Variants in MDN1 observed in about 807,000 individuals in gnomAD.
The protein encoded by MDN1 is midasin.
A neutral mutation model predicts 669.2 loss-of-function variants in MDN1; 266 were observed. That is an observed-to-expected ratio of 0.40 (90% CI 0.36 to 0.44). MDN1 has a LOEUF of 0.44. MDN1 is among the 20% of genes least tolerant of loss of function. The probability of loss-of-function intolerance (pLI) is 1.00; values close to 1 mark genes in which losing one functional copy is unlikely to be tolerated. For synonymous variants in MDN1, 2,385 were observed against 2,457.1 expected (o/e 0.97, Z 0.87); for missense variants, 5,940 against 6,754.0 (o/e 0.88, Z 4.22).
intron 100 of MDN1, 134 bp downstream of exon 100, chr6:89,646,406 A>G: frequency 1.3e-6 from 1 of 759,082 alleles, no homozygotes; most frequent in Non-Finnish European, 2.2e-6. Flanking sequence ...AATCAGCTCC[A>G]TCAATTTATG....
intron 9 of MDN1, 44 bp downstream of exon 9, chr6:89,784,968 C>T: frequency 1.6e-6 from 2 of 1,273,540 alleles, no homozygotes; most frequent in Non-Finnish European, 2.3e-6. Flanking sequence ...CACGCGGGAG[C>T]CACTGCACCT....
intron 8 of MDN1, among the ~76,000 whole-genome samples, chr6:89,787,570 G>T (rs893069202): frequency 1.5e-4 from 23 of 151,860 alleles, no homozygotes; most frequent in African/African-American, 5.6e-4. Flanking sequence ...CTCAAACCCT[G>T]GGCTATCTAA....
chr6:89,692,956 C>G lies in MDN1; in HGVS notation c.10074G>C (p.Gly3358=). 1 of 1,614,112 alleles carries G rather than the reference C, an allele frequency of 6.2e-7. No individual in the cohort carries two copies. The highest frequency in any genetic ancestry group is 8.5e-7 in the Non-Finnish European group (1 of 1,179,994). Reference sequence around the variant, plus strand: ...TCTGGGCTACTTGGGCAGACCGTGGCCCATCTATGTGGAGGGCCTGCAGAA... The same window carrying G: ...TCTGGGCTACTTGGGCAGACCGTGGGCCATCTATGTGGAGGGCCTGCAGAA... ...TRLLQALHID[G]PRSAQVAQSL... is the part of the protein sequence containing the mutation. Residue 3358 remains glycine, a synonymous_variant, in exon 63 of 102, where the codon GGG becomes GGC. Transcript: ENST00000369393.
chr6:89,656,072 G>A (rs754530519), intron 91 of MDN1, 104 bp from the exon 92 acceptor site: 82 of 992,812 alleles, frequency 8.3e-5, no homozygotes, highest in Non-Finnish European at 1.1e-4. Flanking sequence ...TAAATCAGGT[G>A]TAGCCATACA....
intron 101 of MDN1, among the ~76,000 whole-genome samples, chr6:89,644,689 T>C (rs955736195): frequency 6.6e-6 from 1 of 152,222 alleles, no homozygotes; most frequent in Non-Finnish European, 1.5e-5. Context: ...AAGGCTGCAA[T>C]ACCTGCACTG....
At chr6:89,662,372 G>A (rs1423991980) in intron 86 of MDN1, 133 bp from the exon 87 acceptor site, 17 of 845,200 alleles carry the variant, frequency 2.0e-5, no homozygotes, top group South Asian at 5.4e-5. Context: ...AGTGCCATCC[G>A]TGACCTAGAG....
At chr6:89,807,018 GA>G (rs1768068027) in intron 1 of MDN1, among the ~76,000 whole-genome samples, 1 of 152,066 alleles carries the variant, frequency 6.6e-6, no homozygotes, top group African/African-American at 2.4e-5. Context: ...GTGATCTTAT[GA>G]AATTCTTTAT....
chr6:89,745,245 C>T (rs1410388020), intron 29 of MDN1, 28 bp downstream of exon 29: 1 of 1,612,874 alleles, frequency 6.2e-7, no homozygotes, highest in Non-Finnish European at 8.5e-7. Flanking sequence ...GAAATGAACC[C>T]TCATGAGTCA....
intron 10 of MDN1, 195 bp downstream of exon 10, chr6:89,781,204 T>A (rs1445910720): frequency 6.6e-6 from 4 of 603,436 alleles, no homozygotes; most frequent in Admixed American, 2.9e-5. Flanking sequence ...GAAAAAGGGA[T>A]CTGACACCAT....
At chr6:89,812,345 G>T (rs1018147710) in intron 1 of MDN1, among the ~76,000 whole-genome samples, 2 of 151,966 alleles carry the variant, frequency 1.3e-5, no homozygotes, top group Admixed American at 1.3e-4. Flanking sequence ...AGCACTTTGG[G>T]AGGCCGAGGC....
intron 53 of MDN1, among the ~76,000 whole-genome samples, chr6:89,702,964 C>T (rs1813256362): frequency 6.8e-6 from 1 of 146,194 alleles, no homozygotes. Context: ...GAGACAGCGT[C>T]TTGCTCCATC....
chr6:89,759,195 A>G (rs1009911498), intron 17 of MDN1, among the ~76,000 whole-genome samples: 4 of 152,168 alleles, frequency 2.6e-5, no homozygotes, highest in African/African-American at 7.2e-5. Flanking sequence ...AATAAACTAA[A>G]TCCTCTCATT....
At chr6:89,746,642 A>G (rs1324076113) in intron 27 of MDN1, among the ~76,000 whole-genome samples, 4 of 149,008 alleles carry the variant, frequency 2.7e-5, no homozygotes. Context: ...AAAGAAAGAA[A>G]GAAAGAAAAA....
At chr6:89,656,281 G>A (rs924087570) in intron 91 of MDN1, among the ~76,000 whole-genome samples, 4 of 152,072 alleles carry the variant, frequency 2.6e-5, no homozygotes, top group African/African-American at 7.2e-5. Context: ...GGTCCCTTGG[G>A]GACAGGAATA....
intron 97 of MDN1, among the ~76,000 whole-genome samples, chr6:89,649,354 G>C (rs1808698615): frequency 6.6e-6 from 1 of 152,168 alleles, no homozygotes; most frequent in African/African-American, 2.4e-5. Flanking sequence ...GTTGCCCAAA[G>C]TCATGTGTTA....
intron 6 of MDN1, 100 bp downstream of exon 6, chr6:89,790,059 A>C: frequency 6.3e-7 from 1 of 1,590,528 alleles, no homozygotes; most frequent in Non-Finnish European, 8.6e-7. Context: ...GTTATAAGCA[A>C]GACCAATAAC....
At chr6:89,757,591 A>G (rs769076117) in intron 19 of MDN1, among the ~76,000 whole-genome samples, 1 of 152,244 alleles carries the variant, frequency 6.6e-6, no homozygotes, top group Non-Finnish European at 1.5e-5. Context: ...GCATTGCTCT[A>G]AAGTCCGGTT....
chr6:89,666,745 C>A (rs1810272955), intron 84 of MDN1, among the ~76,000 whole-genome samples: 1 of 152,212 alleles, frequency 6.6e-6, no homozygotes. Context: ...CAAGTCATGG[C>A]TGCAGTGAGC....
chr6:89,795,556 T>G (rs1484453324), intron 2 of MDN1, among the ~76,000 whole-genome samples: 1 of 152,150 alleles, frequency 6.6e-6, no homozygotes, highest in Non-Finnish European at 1.5e-5. Flanking sequence ...GCCACTGCAT[T>G]CCAGCCTGGA....
Sources: allele counts gnomAD v4.1 joint callset (sites outside exome capture counted in the v4.1 genomes callset), GRCh38; gene constraint gnomAD v4.1.1; transcripts MANE v1.5; gene names NCBI Gene and HGNC (gene_info 2026-07-23, HGNC 2026-07-21).